DSCAM: variants seen among roughly 807,000 people sequenced by gnomAD.
DSCAM encodes the protein DS cell adhesion molecule, also known as cell adhesion molecule DSCAM.
A neutral mutation model predicts 217.7 loss-of-function variants in DSCAM; 47 were observed. The observed-to-expected ratio is 0.22, with a 90% CI of 0.17 to 0.28. DSCAM has a LOEUF of 0.28. Among genes scored for constraint, DSCAM ranks in the 10% least tolerant of loss-of-function variants. The probability of loss-of-function intolerance (pLI) is 1.00; values close to 1 mark genes in which losing one functional copy is unlikely to be tolerated. For synonymous variants in DSCAM, 1,056 were observed against 1,015.3 expected (o/e 1.04, Z -0.76); for missense variants, 2,080 against 2,618.3 (o/e 0.79, Z 4.49).
chr21:40,396,177 C>G (rs977461447), intron 3 of DSCAM, among the ~76,000 whole-genome samples: 2 of 152,000 alleles, frequency 1.3e-5, no homozygotes, highest in African/African-American at 2.4e-5. Context: ...TATGTCTCAC[C>G]AAAAGATAAA....
chr21:40,752,523 A>T (rs962071389), intron 1 of DSCAM, among the ~76,000 whole-genome samples: 2 of 152,162 alleles, frequency 1.3e-5, no homozygotes, highest in African/African-American at 4.8e-5. Context: ...GCAGTTATTT[A>T]AAAAAATACT....
chr21:40,596,421 C>T (rs1471890923), intron 3 of DSCAM, among the ~76,000 whole-genome samples: 1 of 152,098 alleles, frequency 6.6e-6, no homozygotes, highest in African/African-American at 2.4e-5. Flanking sequence ...CTCAGAGGCC[C>T]TCAATGGCCA....
intron 20 of DSCAM, among the ~76,000 whole-genome samples, chr21:40,118,959 C>T (rs1471384018): frequency 1.3e-5 from 2 of 152,114 alleles, no homozygotes; most frequent in Non-Finnish European, 1.5e-5. Context: ...CAGATTCTGG[C>T]TCGTGATTTG....
At chr21:40,836,891 G>C (rs750010696) in intron 1 of DSCAM, among the ~76,000 whole-genome samples, 8 of 152,208 alleles carry the variant, frequency 5.3e-5, no homozygotes, top group Non-Finnish European at 1.0e-4. Flanking sequence ...CACCTGGGGA[G>C]CTTTCCAAAC....
chr21:40,398,191 G>C (rs2075199239), intron 3 of DSCAM, among the ~76,000 whole-genome samples: 1 of 152,120 alleles, frequency 6.6e-6, no homozygotes, highest in African/African-American at 2.4e-5. Flanking sequence ...TACACTCTTA[G>C]GGGACATGTC....
At chr21:40,689,679 G>A (rs530156799) in intron 3 of DSCAM, among the ~76,000 whole-genome samples, 24 of 152,348 alleles carry the variant, frequency 1.6e-4, no homozygotes, top group African/African-American at 5.3e-4. Context: ...AAACTTCCCA[G>A]CCAGATCCCA....
chr21:40,709,480 T>TC (rs1461680675), intron 1 of DSCAM, among the ~76,000 whole-genome samples: 1 of 152,166 alleles, frequency 6.6e-6, no homozygotes, highest in Non-Finnish European at 1.5e-5. Context: ...CCTAATGCTA[T>TC]CCCTCCCCTA....
chr21:40,818,064 CCG>C (rs2091896737), intron 1 of DSCAM, among the ~76,000 whole-genome samples: 2 of 127,018 alleles, frequency 1.6e-5, no homozygotes, highest in Non-Finnish European at 3.1e-5. Context: ...CCACTGCAGT[CCG>C]CAGTCCGGCC....
chr21:40,207,140 T>TA (rs1220799056), intron 11 of DSCAM, among the ~76,000 whole-genome samples: 18 of 151,896 alleles, frequency 1.2e-4, no homozygotes, highest in Non-Finnish European at 1.9e-4. Context: ...GTAACTATAG[T>TA]AAAAAAGTAT....
chr21:40,369,384 G>C, intron 3 of DSCAM, 139 bp from the exon 4 acceptor site: 1 of 665,520 alleles, frequency 1.5e-6, no homozygotes, highest in East Asian at 2.9e-5. Context: ...GCGTGCGTCT[G>C]CGTGTGTGTG....
At position 40,247,076 on chromosome 21, in the gene DSCAM, T is replaced by C. The variant is rs538514164; in HGVS notation, c.2356+29021A>G. Among the ~76,000 whole-genome samples the C allele has an allele frequency of 1.6e-4, 24 of 152,244 alleles. No individual in the cohort carries two copies. In the South Asian group the frequency reaches 5.0e-3, roughly 32 times the overall value. ...GATAAACCCATCAGATATTGTGAGATGTATTCACTATCATGAGAATAGCAT... is the reference window on the plus strand; with the variant it reads ...GATAAACCCATCAGATATTGTGAGACGTATTCACTATCATGAGAATAGCAT... On this transcript the variant is annotated intron_variant, in intron 11 of 32. Transcript: ENST00000400454.
intron 3 of DSCAM, among the ~76,000 whole-genome samples, chr21:40,589,192 T>A (rs1601769650): frequency 6.6e-6 from 1 of 152,182 alleles, no homozygotes; most frequent in African/African-American, 2.4e-5. Flanking sequence ...AGCTCTCACC[T>A]CCAAAATACA....
intron 3 of DSCAM, among the ~76,000 whole-genome samples, chr21:40,434,287 G>A (rs1349307671): frequency 1.3e-5 from 2 of 152,196 alleles, no homozygotes; most frequent in Non-Finnish European, 2.9e-5. Context: ...ACAACATGGA[G>A]GCAGAGAGCA....
At chr21:40,415,641 C>G (rs181405738) in intron 3 of DSCAM, among the ~76,000 whole-genome samples, 38 of 152,334 alleles carry the variant, frequency 2.5e-4, no homozygotes, top group African/African-American at 8.9e-4. Flanking sequence ...CTGGAGAAAT[C>G]TGATCTGCAG....
At position 40,012,869 on chromosome 21, in the gene DSCAM, G is replaced by A. The variant is rs2088082413; in HGVS notation, c.*165C>T. 3 of 500,206 alleles carry A rather than the reference G, an allele frequency of 6.0e-6. No individual in the cohort carries two copies. In the South Asian group the frequency reaches 2.9e-4, roughly 48 times the overall value. 31.0% of individuals were successfully genotyped at this position (500,206 alleles called of 1,614,324 possible). A position where few individuals can be genotyped will look rare whatever the true frequency, so the allele number is the denominator to read the frequency against. Reference sequence around the variant, plus strand: ...CTCACACTCAGACAGAAAAAAAGCAGGAGAGTCTTTGCACTGTCTGTGGTT... The same window carrying A: ...CTCACACTCAGACAGAAAAAAAGCAAGAGAGTCTTTGCACTGTCTGTGGTT... On this transcript the variant is annotated 3_prime_UTR_variant, in exon 33 of 33. Coordinates refer to ENST00000400454, the MANE Select transcript of DSCAM (RefSeq NM_001389.5).
At chr21:40,503,252 T>C (rs1278336481) in intron 3 of DSCAM, among the ~76,000 whole-genome samples, 2 of 152,206 alleles carry the variant, frequency 1.3e-5, no homozygotes, top group African/African-American at 4.8e-5. Context: ...GAGCTGAGGC[T>C]CCCATGCTTC....
intron 3 of DSCAM, among the ~76,000 whole-genome samples, chr21:40,528,898 CTTTTTTTTTTT>C (rs911356584): frequency 6.0e-5 from 6 of 99,398 alleles, no homozygotes; most frequent in African/African-American, 2.4e-4. Flanking sequence ...AGGCTTTCCA[CTTTTTTTTTTT>C]TTTTTTTTTT....
At chr21:40,257,498 A>ACACACACACACAC (rs57376473) in intron 11 of DSCAM, among the ~76,000 whole-genome samples, 2 of 150,232 alleles carry the variant, frequency 1.3e-5, no homozygotes, top group Non-Finnish European at 2.9e-5. Flanking sequence ...ACACACACAC[A>ACACACACACACAC]ATGGCAAACG....
At chr21:40,064,550 C>T (rs1018621876) in intron 27 of DSCAM, among the ~76,000 whole-genome samples, 7 of 152,170 alleles carry the variant, frequency 4.6e-5, no homozygotes, top group Non-Finnish European at 8.8e-5. Flanking sequence ...CAGGCATCCT[C>T]CCCAAGGCTA....
Sources: allele counts gnomAD v4.1 joint callset (sites outside exome capture counted in the v4.1 genomes callset), GRCh38; gene constraint gnomAD v4.1.1; transcripts MANE v1.5; gene names NCBI Gene and HGNC (gene_info 2026-07-23, HGNC 2026-07-21).